Variants in RBM20 observed in about 807,000 individuals in gnomAD.
RBM20 encodes the protein RNA-binding protein 20.
In RBM20, 51 loss-of-function variants were observed where a neutral mutation model predicts 110.1. The ratio of observed to expected loss-of-function variants is 0.46; its 90% CI spans 0.37 to 0.59. The LOEUF (loss-of-function observed/expected upper bound fraction) is 0.59. Among genes scored for constraint, RBM20 ranks in the 20% least tolerant of loss-of-function variants. The pLI, the probability that RBM20 is intolerant of heterozygous loss-of-function variation, is 0.00. For missense variants in RBM20, 1,512 were observed against 1,574.9 expected (o/e 0.96, Z 0.68); for synonymous variants, 589 against 618.2 (o/e 0.95, Z 0.70).
intron 1 of RBM20, among the ~76,000 whole-genome samples, chr10:110,776,663 A>T (rs144835262): frequency 1.9e-3 from 288 of 152,350 alleles, no homozygotes; most frequent in African/African-American, 6.7e-3. Flanking sequence ...TACATTGGGC[A>T]TACCAAATTA....
chr10:110,726,852 T>C (rs1055287302), intron 1 of RBM20, among the ~76,000 whole-genome samples: 3 of 152,200 alleles, frequency 2.0e-5, no homozygotes, highest in Non-Finnish European at 4.4e-5. Flanking sequence ...ATTTTTGTTT[T>C]GTTTTATTTT....
At chr10:110,662,366 T>C (rs1243394383) in intron 1 of RBM20, among the ~76,000 whole-genome samples, 1 of 152,250 alleles carries the variant, frequency 6.6e-6, no homozygotes, top group East Asian at 1.9e-4. Context: ...AGATTATGTG[T>C]AAAGTGCCAA....
intron 1 of RBM20, among the ~76,000 whole-genome samples, chr10:110,700,979 C>A: frequency 6.6e-6 from 1 of 152,198 alleles, no homozygotes. Context: ...CATGCCACTG[C>A]ATTCCAGCCT....
chr10:110,646,148 G>C (rs1404820480), intron 1 of RBM20, among the ~76,000 whole-genome samples: 1 of 152,172 alleles, frequency 6.6e-6, no homozygotes, highest in African/African-American at 2.4e-5. Context: ...GGCTGCATAT[G>C]AAGTTAATTG....
intron 7 of RBM20, among the ~76,000 whole-genome samples, chr10:110,801,871 C>T (rs551948071): frequency 6.6e-6 from 1 of 152,084 alleles, no homozygotes; most frequent in South Asian, 2.1e-4. Context: ...ATATTTTATT[C>T]CCCTAATTGC....
chr10:110,810,508 G>A (rs1045155503), intron 8 of RBM20, 46 bp downstream of exon 8: 67 of 1,342,584 alleles, frequency 5.0e-5, no homozygotes, highest in Non-Finnish European at 6.1e-5. Context: ...TGGGCAGTGG[G>A]AACAGACTCC....
At position 110,797,714 on chromosome 10, in the gene RBM20, A is replaced by G. The variant is rs1348510505; in HGVS notation, c.1668+66A>G. ...CCACACATTAGTGAAAGGGAACGAT[A>G]TAATTTTTGAAAGAAGCCATTCTTA... On this transcript the variant is annotated intron_variant, in intron 6 of 13. Coordinates refer to ENST00000369519, the MANE Select transcript of RBM20 (RefSeq NM_001134363.3). The G allele has an allele frequency of 2.7e-6, 4 of 1,482,486 alleles. No individual in the cohort carries two copies. The African/African-American group carries it at 5.6e-5, about 21-fold the overall frequency. 91.8% of individuals were successfully genotyped at this position (1,482,486 alleles called of 1,614,324 possible). A position where few individuals can be genotyped will look rare whatever the true frequency, so the allele number is the denominator to read the frequency against.
intron 5 of RBM20, among the ~76,000 whole-genome samples, chr10:110,792,176 TATC>T (rs1399990370): frequency 6.6e-6 from 1 of 152,000 alleles, no homozygotes; most frequent in Non-Finnish European, 1.5e-5. Flanking sequence ...TCTATCTATC[TATC>T]TATCTATCTA....
At position 110,721,850 on chromosome 10, in the gene RBM20, G is replaced by A. The variant is rs149432151; in HGVS notation, c.192-58951G>A. ...TTCCTCCTCACCTCACCTACAGCCC[G>A]GAGCATGTGCATGCAGAGCAGGCAG... On this transcript the variant is annotated intron_variant, in intron 1 of 13. Transcript: ENST00000369519. 3.3e-3 allele frequency among the ~76,000 whole-genome samples: 505 copies of A among 152,198 alleles called. 6 individuals carry two copies. Among genetic ancestry groups the A allele is most frequent in the African/African-American group, 0.011 (469 of 41,518 alleles).
At chr10:110,724,498 T>G (rs1843541037) in intron 1 of RBM20, among the ~76,000 whole-genome samples, 1 of 152,164 alleles carries the variant, frequency 6.6e-6, no homozygotes, top group South Asian at 2.1e-4. Flanking sequence ...CAGTTCTGTT[T>G]CTGGAGACAG....
intron 1 of RBM20, among the ~76,000 whole-genome samples, chr10:110,765,232 A>T (rs767289595): frequency 5.3e-5 from 8 of 152,096 alleles, no homozygotes; most frequent in Non-Finnish European, 1.2e-4. Context: ...TTTATAAATG[A>T]TGGGCATCTC....
intron 3 of RBM20, 67 bp from the exon 4 acceptor site, chr10:110,784,274 C>T: frequency 8.2e-7 from 1 of 1,215,140 alleles, no homozygotes. Flanking sequence ...AGTGGAATTT[C>T]TGGGTCACAT....
At chr10:110,782,773 C>A (rs1260898719) in intron 2 of RBM20, among the ~76,000 whole-genome samples, 1 of 148,666 alleles carries the variant, frequency 6.7e-6, no homozygotes, top group African/African-American at 2.5e-5. Flanking sequence ...TGTCCAAAAG[C>A]ATAATAATGT....
At chr10:110,744,912 A>G (rs1326791182) in intron 1 of RBM20, among the ~76,000 whole-genome samples, 2 of 152,268 alleles carry the variant, frequency 1.3e-5, no homozygotes, top group Admixed American at 1.3e-4. Flanking sequence ...AGGACAGCTG[A>G]AGGGATGGCC....
intron 1 of RBM20, among the ~76,000 whole-genome samples, chr10:110,687,620 C>G (rs1365668696): frequency 6.6e-6 from 1 of 152,162 alleles, no homozygotes; most frequent in Non-Finnish European, 1.5e-5. Flanking sequence ...ACAGAAATCT[C>G]GTGATTTTGC....
chr10:110,705,492 A>C (rs189013816), intron 1 of RBM20, among the ~76,000 whole-genome samples: 1 of 152,342 alleles, frequency 6.6e-6, no homozygotes, highest in Non-Finnish European at 1.5e-5. Flanking sequence ...TTGGAGATAC[A>C]AACTGTGTTG....
At chr10:110,795,735 T>A (rs10885047) in intron 5 of RBM20, among the ~76,000 whole-genome samples, 37,095 of 152,134 alleles carry the variant, frequency 0.24, 4,647 homozygotes, top group Non-Finnish European at 0.27. Context: ...ATTATATCCT[T>A]CTCTTCCACA....
intron 1 of RBM20, among the ~76,000 whole-genome samples, chr10:110,737,673 G>A (rs11195296): frequency 0.15 from 21,924 of 147,952 alleles, 2,121 homozygotes; most frequent in East Asian, 0.28. Context: ...ATACTCTTTT[G>A]TGCCTAAGTT....
At chr10:110,823,442 T>C (rs939079648) in intron 11 of RBM20, 38 bp from the exon 12 acceptor site, 15 of 332,108 alleles carry the variant, frequency 4.5e-5, no homozygotes, top group Non-Finnish European at 5.7e-5. Context: ...TTTTTTTTTT[T>C]TTTTTTTTTT....
Sources: allele counts gnomAD v4.1 joint callset (sites outside exome capture counted in the v4.1 genomes callset), GRCh38; gene constraint gnomAD v4.1.1; transcripts MANE v1.5; gene names NCBI Gene and HGNC (gene_info 2026-07-23, HGNC 2026-07-21).